SLC6A4: variants seen among roughly 807,000 people sequenced by gnomAD.
The protein encoded by SLC6A4 is solute carrier family 6 member 4.
In SLC6A4, 22 loss-of-function variants were observed where a neutral mutation model predicts 73.4. The ratio of observed to expected loss-of-function variants is 0.30; its 90% CI spans 0.21 to 0.43. The LOEUF (loss-of-function observed/expected upper bound fraction) is 0.43. Among genes scored for constraint, SLC6A4 ranks in the 20% least tolerant of loss-of-function variants. SLC6A4 has a pLI of 1.00. For missense variants in SLC6A4, 593 were observed against 808.5 expected, an observed-to-expected ratio of 0.73 and a Z score of 3.23; for synonymous variants, 270 against 315.5, an observed-to-expected ratio of 0.86 and a Z score of 1.53.
intron 1 of SLC6A4, among the ~76,000 whole-genome samples, chr17:30,225,818 T>C (rs1254147233): frequency 6.6e-6 from 1 of 152,182 alleles, no homozygotes; most frequent in Non-Finnish European, 1.5e-5. Flanking sequence ...GTGGTTGACT[T>C]TCTCTTAACT....
intron 13 of SLC6A4, among the ~76,000 whole-genome samples, chr17:30,205,100 T>C (rs1308153027): frequency 3.9e-5 from 6 of 152,340 alleles, no homozygotes; most frequent in East Asian, 3.9e-4. Flanking sequence ...TGAAGTACGA[T>C]GTACAAGTAC....
chr17:30,203,286 A>G lies in SLC6A4; in HGVS notation c.1704T>C (p.Tyr568=). 1 of 1,614,096 alleles carries G rather than the reference A, an allele frequency of 6.2e-7. No homozygotes were observed. The highest frequency in any genetic ancestry group is 8.5e-7 in the Non-Finnish European group (1 of 1,179,932). Residue 568 remains tyrosine, a synonymous_variant, in exon 14 of 15, where the codon TAT becomes TAC. Coordinates refer to ENST00000650711, the MANE Select transcript of SLC6A4 (RefSeq NM_001045.6). ...MSPPQLRLFQ[Y]NYPYWSIILG... is the part of the protein sequence containing the mutation. ...AGATGATACTCCAGTAAGGATAATT[A>G]TATTGGAAAAGTCGTAGTTGTGGCG... is the stretch of plus-strand genomic sequence containing the variant.
At chr17:30,218,676 A>T (rs1906656727) in intron 4 of SLC6A4, 121 bp downstream of exon 4, 1 of 977,500 alleles carries the variant, frequency 1.0e-6, no homozygotes, top group African/African-American at 1.6e-5. Flanking sequence ...TTACTCAAGC[A>T]GTCTCCCAGG....
chr17:30,206,190 G>A (rs556776601), intron 13 of SLC6A4: 1 of 149,982 alleles, frequency 6.7e-6, no homozygotes, highest in Non-Finnish European at 1.5e-5. Context: ...CTCCTAATAG[G>A]CTGGAGGTGG....
Position 30,215,675 on chromosome 17 carries a change from C to T in SLC6A4, c.1012G>A (p.Gly338Ser). ...GCCAGCAGGACCCCAAAGCCCGGAC[C>T]AAGAGAGAAGAAGATCTGAGCGGCT... ...DAAAQIFFSL[G>S]PGFGVLLAFA... Residue 338 changes from glycine to serine, a missense_variant, in exon 8 of 15, where the codon GGT becomes AGT. Physicochemically the swap from Gly to Ser is moderately conservative, Grantham distance 56 (BLOSUM62 0). Transcript: ENST00000650711. The T allele has an allele frequency of 6.2e-7, 1 of 1,614,030 alleles. No homozygotes were observed.
chr17:30,231,023 C>T (rs1907094763), intron 1 of SLC6A4, among the ~76,000 whole-genome samples: 1 of 152,118 alleles, frequency 6.6e-6, no homozygotes. Flanking sequence ...TTTCTGACCC[C>T]TAGTTTACAG....
chr17:30,198,496 G>A lies in SLC6A4; in HGVS notation c.1853C>T (p.Thr618Ile). ...GCGGATGTCCCCACAAGGAATTTCT[G>A]TTGGTGTTTCTGGGGTAATACTTTT... ...IIKSITPETP[T>I]EIPCGDIRLN... The change falls in exon 15 of 15, where the codon ACA (threonine) becomes ATA (isoleucine). Residue 618 changes from threonine to isoleucine, a missense_variant. Coordinates refer to ENST00000650711, the MANE Select transcript of SLC6A4 (RefSeq NM_001045.6). 6.2e-7 allele frequency: 1 copy of A among 1,606,112 alleles called. No homozygotes were observed. The highest frequency in any genetic ancestry group is 8.5e-7 in the Non-Finnish European group (1 of 1,172,872).
At chr17:30,216,896 C>T (rs945046163) in intron 6 of SLC6A4, among the ~76,000 whole-genome samples, 5 of 151,798 alleles carry the variant, frequency 3.3e-5, no homozygotes, top group East Asian at 1.9e-4. Context: ...GATGAGGTTT[C>T]GATGTGTTGG....
chr17:30,204,846 G>A (rs1446229862), intron 13 of SLC6A4, among the ~76,000 whole-genome samples: 2 of 152,098 alleles, frequency 1.3e-5, no homozygotes, highest in Non-Finnish European at 2.9e-5. Context: ...TATGAGTAGT[G>A]CGCCCACATC....
chr17:30,234,655 T>C (rs1248097630), intron 1 of SLC6A4, among the ~76,000 whole-genome samples: 1 of 152,222 alleles, frequency 6.6e-6, no homozygotes, highest in Non-Finnish European at 1.5e-5. Context: ...CCTATGTAAC[T>C]GAAGGCAAAA....
chr17:30,196,304 T>A lies in SLC6A4; in HGVS notation c.*2152A>T, dbSNP rs1905859387. 6.6e-6 allele frequency: 1 copy of A among 151,326 alleles called. No homozygotes were observed. Among genetic ancestry groups the A allele is most frequent in the African/African-American group, 2.4e-5 (1 of 41,260 alleles). The allele number at this position is 151,326 out of a possible 1,614,324, so 9.4% of individuals were successfully genotyped here. ...TCTTTAAAAAAAAAAAACCCCATCATAGTATTGATAAATAGGGGTCAAATA... is the reference window on the plus strand; with the variant it reads ...TCTTTAAAAAAAAAAAACCCCATCAAAGTATTGATAAATAGGGGTCAAATA... On this transcript the variant is annotated 3_prime_UTR_variant, in exon 15 of 15. Coordinates refer to ENST00000650711, the MANE Select transcript of SLC6A4 (RefSeq NM_001045.6).
intron 3 of SLC6A4, among the ~76,000 whole-genome samples, chr17:30,219,992 C>T (rs968263696): frequency 6.6e-6 from 1 of 152,160 alleles, no homozygotes; most frequent in Non-Finnish European, 1.5e-5. Flanking sequence ...GGGGAAATGT[C>T]ACCAGTGACC....
At position 30,197,717 on chromosome 17, in the gene SLC6A4, A is replaced by G. The variant is rs1462147732; in HGVS notation, c.*739T>C. On this transcript the variant is annotated 3_prime_UTR_variant, in exon 15 of 15. Transcript: ENST00000650711. ...TCACTGGAAAAGGAGTGGGTGGCAGAGCATGTTGTAGTGATTGTACCCTTC... is the reference window on the plus strand; with the variant it reads ...TCACTGGAAAAGGAGTGGGTGGCAGGGCATGTTGTAGTGATTGTACCCTTC... The G allele has an allele frequency of 2.0e-5, 3 of 152,414 alleles. No individual in the cohort carries two copies. Among genetic ancestry groups the G allele is most frequent in the Non-Finnish European group, 2.9e-5 (2 of 68,046 alleles). 9.4% of individuals were successfully genotyped at this position (152,414 alleles called of 1,614,324 possible).
chr17:30,199,894 G>A (rs528388233), intron 14 of SLC6A4, among the ~76,000 whole-genome samples: 67 of 151,788 alleles, frequency 4.4e-4, no homozygotes, highest in African/African-American at 1.6e-3. Context: ...TCACTATAAC[G>A]AGTCCTTTTT....
At chr17:30,234,827 C>A (rs1005755151) in intron 1 of SLC6A4, among the ~76,000 whole-genome samples, 1 of 152,140 alleles carries the variant, frequency 6.6e-6, no homozygotes, top group African/African-American at 2.4e-5. Context: ...CTCTCAAATT[C>A]TTCAGAGTCC....
chr17:30,199,727 A>G (rs1423955543), intron 14 of SLC6A4, among the ~76,000 whole-genome samples: 1 of 152,110 alleles, frequency 6.6e-6, no homozygotes, highest in Non-Finnish European at 1.5e-5. Flanking sequence ...AGGGAGTTTA[A>G]AAAGGAGTCA....
chr17:30,230,597 G>A (rs1337772876), intron 1 of SLC6A4, among the ~76,000 whole-genome samples: 4 of 152,188 alleles, frequency 2.6e-5, no homozygotes, highest in Admixed American at 1.3e-4. Flanking sequence ...ATTCACCTGT[G>A]GCTGCTGAGC....
rs1423693949 is a variant in SLC6A4 at position 30,203,123 on chromosome 17, A to C, written c.1818+49T>G. The C allele has an allele frequency of 3.4e-6, 5 of 1,456,998 alleles. No individual in the cohort carries two copies. The African/African-American group carries it at 7.0e-5, about 21-fold the overall frequency. The allele number at this position is 1,456,998 out of a possible 1,614,324, so 90.3% of individuals were successfully genotyped here. A position where few individuals can be genotyped will look rare whatever the true frequency, so the allele number is the denominator to read the frequency against. ...TAACAAGATAATCCTTTTCTCCCAAAACAATTAGTAGTCTGAACACACACA... is the reference window on the plus strand; with the variant it reads ...TAACAAGATAATCCTTTTCTCCCAACACAATTAGTAGTCTGAACACACACA... On this transcript the variant is annotated intron_variant, in intron 14 of 14. Transcript: ENST00000650711.
In SLC6A4 at chr17:30,215,630, A is replaced by G. The variant is rs1260947474; in HGVS notation, c.1057T>C (p.Phe353Leu). Reference sequence around the variant, plus strand: ...ACTCACTGGTAGCAGTTGTTGTTGAACTTGTTGTAGCTAGCAAAAGCCAGC... The same window carrying G: ...ACTCACTGGTAGCAGTTGTTGTTGAGCTTGTTGTAGCTAGCAAAAGCCAGC... ...VLLAFASYNK[F>L]NNNCYQDALV... The change falls in exon 8 of 15, where the codon TTC becomes CTC. Residue 353 changes from phenylalanine to leucine, a missense_variant. By Grantham distance (22) the Phe-to-Leu change is conservative. Transcript: ENST00000650711. The G allele has an allele frequency of 2.5e-6, 4 of 1,613,930 alleles. No individual in the cohort carries two copies. The highest frequency in any genetic ancestry group is 1.7e-6 in the Non-Finnish European group (2 of 1,179,932).
Sources: gnomAD v4.1 joint callset for allele counts (sites outside exome capture counted in the v4.1 genomes callset) on GRCh38, gnomAD v4.1.1 for gene constraint, MANE v1.5 for transcripts, NCBI Gene and HGNC (gene_info 2026-07-23, HGNC 2026-07-21) for gene names.